GNE: variants seen among roughly 807,000 people sequenced by gnomAD.
GNE encodes the protein glucosamine (UDP-N-acetyl)-2-epimerase/N-acetylmannosamine kinase, also known as bifunctional UDP-N-acetylglucosamine 2-epimerase/N-acetylmannosamine kinase.
A neutral mutation model predicts 61.8 loss-of-function variants in GNE; 41 were observed. That is an observed-to-expected ratio of 0.66 (90% CI 0.52 to 0.86). The LOEUF is 0.86. GNE is among the 40% of genes least tolerant of loss of function. The pLI is 0.00. For synonymous variants in GNE, 264 were observed against 326.4 expected, an observed-to-expected ratio of 0.81 and a Z score of 2.06; for missense variants, 608 against 909.1, an observed-to-expected ratio of 0.67 and a Z score of 4.26.
Position 36,229,069 on chromosome 9 carries a change from T to G in GNE, c.1022A>C (p.Asp341Ala). Reference protein sequence around the residue: ...VLHVRDADTQDKILQALHLQF... With the variant: ...VLHVRDADTQAKILQALHLQF... ...AAGGTGCAGTGCTTGCAATATTTTG[T>G]CTTGGGTGTCAGCATCCCGGACATG... Residue 341 changes from aspartate (D) to alanine (A), a missense_variant, in exon 6 of 12, where the codon GAC becomes GCC. By Grantham distance (126) the Asp-to-Ala change is moderately radical. Coordinates refer to ENST00000642385, the MANE Select transcript of GNE (RefSeq NM_005476.7). 6.2e-7 allele frequency: 1 copy of G among 1,611,624 alleles called. No homozygotes were observed. The highest frequency in any genetic ancestry group is 8.5e-7 in the Non-Finnish European group (1 of 1,177,760).
intron 4 of GNE, among the ~76,000 whole-genome samples, chr9:36,234,375 A>G (rs929607562): frequency 9.9e-5 from 15 of 152,194 alleles, no homozygotes; most frequent in Admixed American, 3.9e-4. Flanking sequence ...TAGGCAAAGC[A>G]AATAACTTTT....
intron 3 of GNE, among the ~76,000 whole-genome samples, chr9:36,237,443 A>T (rs180968635): frequency 7.7e-4 from 117 of 152,306 alleles, no homozygotes; most frequent in African/African-American, 2.7e-3. Context: ...CACCTACCAG[A>T]TTCAACAAGT....
In GNE at chr9:36,227,569, T is replaced by G. The variant is rs984036166; in HGVS notation, c.1071-111A>C. On this transcript the variant is annotated intron_variant, in intron 6 of 11. Coordinates refer to ENST00000642385, the MANE Select transcript of GNE (RefSeq NM_005476.7). The stretch of plus-strand genomic sequence containing the variant: ...GACTTCAGGTAAAAATAATTCATGC[T>G]TCTTCCTAAAGTGACATCTTCCTGC... 6 of 761,590 alleles carry G rather than the reference T, an allele frequency of 7.9e-6. No individual in the cohort carries two copies. In the Admixed American group the frequency reaches 1.2e-4, roughly 15 times the overall value. The allele number at this position is 761,590 out of a possible 1,614,324, so 47.2% of individuals were successfully genotyped here.
At chr9:36,274,720 CTTT>C in intron 1 of GNE, among the ~76,000 whole-genome samples, 1 of 143,988 alleles carries the variant, frequency 6.9e-6, no homozygotes, top group Non-Finnish European at 1.5e-5. Context: ...GTTTCACATT[CTTT>C]TTTTTTTTTT....
At chr9:36,273,873 G>A (rs995549750) in intron 1 of GNE, among the ~76,000 whole-genome samples, 1 of 151,340 alleles carries the variant, frequency 6.6e-6, no homozygotes, top group Non-Finnish European at 1.5e-5. Context: ...TCCTGACGTC[G>A]ATCCACCCGC....
intron 1 of GNE, among the ~76,000 whole-genome samples, chr9:36,269,660 C>CT (rs761810143): frequency 1.1e-5 from 1 of 92,130 alleles, no homozygotes; most frequent in Non-Finnish European, 2.3e-5. Flanking sequence ...TTTCTTTCTT[C>CT]TTTCTTTTTT....
chr9:36,275,782 C>A (rs527720133), intron 1 of GNE, among the ~76,000 whole-genome samples: 2 of 152,258 alleles, frequency 1.3e-5, no homozygotes, highest in South Asian at 2.1e-4. Flanking sequence ...ATAATAAATT[C>A]TCATTGAAGA....
At chr9:36,261,340 C>T (rs555750955), upstream of GNE, among the ~76,000 whole-genome samples, 65 of 152,074 alleles carry the variant, frequency 4.3e-4, no homozygotes, top group Admixed American at 1.9e-3. Context: ...GGGCGGATCA[C>T]GACGTCAGGA....
Position 36,226,470 on chromosome 9 carries a change from C to A in GNE, c.1281+778G>T, listed in dbSNP as rs540709045. 3.3e-5 allele frequency among the ~76,000 whole-genome samples: 5 copies of A among 152,272 alleles called. No individual in the cohort carries two copies. The East Asian group carries it at 9.6e-4, about 29-fold the overall frequency. ...AAGTGCTGGGATTACAGGCGTAAGC[C>A]ACTGCATCCAGCCTTCTATTAGTTT... is the stretch of plus-strand genomic sequence containing the variant. On this transcript the variant is annotated intron_variant, in intron 7 of 11. Coordinates refer to ENST00000642385, the MANE Select transcript of GNE (RefSeq NM_005476.7).
intron 1 of GNE, among the ~76,000 whole-genome samples, chr9:36,276,170 C>T (rs563411150): frequency 7.0e-6 from 1 of 143,208 alleles, no homozygotes; most frequent in Non-Finnish European, 1.6e-5. Flanking sequence ...AAGATCCTGT[C>T]TTTAAACACA....
At chr9:36,257,195 T>C (rs1249688826) in intron 1 of GNE, among the ~76,000 whole-genome samples, 1 of 152,170 alleles carries the variant, frequency 6.6e-6, no homozygotes, top group Non-Finnish European at 1.5e-5. Flanking sequence ...CAGAACACTG[T>C]CCCACACCCA....
rs1587269553 is a variant in GNE, at chr9:36,216,942, G to A, written c.*423C>T. 37 of 255,902 alleles carry A rather than the reference G, an allele frequency of 1.4e-4. No homozygotes were observed. The South Asian group carries it at 1.6e-3, about 11-fold the overall frequency. The allele number at this position is 255,902 out of a possible 1,614,324, so 15.9% of individuals were successfully genotyped here. Reference sequence around the variant, plus strand: ...CCGCCTCGGCCTCCCAAAGTGCTGGGATTACAGGCGTGAGCCACTGTGCCC... The same window carrying A: ...CCGCCTCGGCCTCCCAAAGTGCTGGAATTACAGGCGTGAGCCACTGTGCCC... On this transcript the variant is annotated 3_prime_UTR_variant, in exon 12 of 12. Coordinates refer to ENST00000642385, the MANE Select transcript of GNE (RefSeq NM_005476.7).
At chr9:36,258,796 CTTGT>C (rs1435996301), upstream of GNE, among the ~76,000 whole-genome samples, 2 of 152,214 alleles carry the variant, frequency 1.3e-5, no homozygotes, top group Non-Finnish European at 2.9e-5. Context: ...TCTTGCGCCT[CTTGT>C]TCCCTCAGTT....
Position 36,218,305 on chromosome 9 carries a change from CAG to C in GNE, c.1817-8_1817-7del. On this transcript the variant is annotated splice_region_variant and splice_polypyrimidine_tract_variant and intron_variant, in intron 10 of 11. Coordinates refer to ENST00000642385, the MANE Select transcript of GNE (RefSeq NM_005476.7). The surrounding 1 kb of genome is among the most constrained non-coding windows in gnomAD (Gnocchi z 4.1). The stretch of plus-strand genomic sequence containing the variant: ...TTCCACCAAGAGCAGGTCCTCTGAA[CAG>C]AGTGAGAAGGAAAAGCAGTCACTAA... The C allele has an allele frequency of 6.2e-7, 1 of 1,605,610 alleles. No homozygotes were observed. Among genetic ancestry groups the C allele is most frequent in the South Asian group, 1.1e-5 (1 of 90,916 alleles).
chr9:36,241,272 C>T lies in GNE; in HGVS notation c.617-4288G>A, dbSNP rs189409865. 7.2e-5 allele frequency among the ~76,000 whole-genome samples: 11 copies of T among 152,240 alleles called. No individual in the cohort carries two copies. The East Asian group carries it at 1.2e-3, about 16-fold the overall frequency. On this transcript the variant is annotated intron_variant, in intron 3 of 11. Transcript: ENST00000642385. ...CTGGGACTACAGGCCTATGCCACTA[C>T]GCCTAGCTAATCTTTGTATTTTTTA...
In GNE at chr9:36,229,111, A is replaced by T. The variant is rs767551580; in HGVS notation, c.983-3T>A. ...CCGGACATGAAGAACATTCTCCCCT[A>T]GGTAAAACCAGTGACACATTACAAG... On this transcript the variant is annotated splice_polypyrimidine_tract_variant and splice_region_variant and intron_variant, in intron 5 of 11. Coordinates refer to ENST00000642385, the MANE Select transcript of GNE (RefSeq NM_005476.7). 4 of 1,548,092 alleles carry T rather than the reference A, an allele frequency of 2.6e-6. No individual in the cohort carries two copies. Among genetic ancestry groups the T allele is most frequent in the Middle Eastern group, 3.4e-4 (2 of 5,904 alleles).
At chr9:36,258,209 T>TG (rs1830474182) in intron 1 of GNE, 112 bp downstream of exon 1, 4 of 492,926 alleles carry the variant, frequency 8.1e-6, no homozygotes, top group Non-Finnish European at 1.0e-5. Flanking sequence ...CGGGGCGCGG[T>TG]GGGGTGGAAA....
At chr9:36,264,115 T>TTTTA (rs200338141) in intron 1 of GNE, among the ~76,000 whole-genome samples, 2 of 151,968 alleles carry the variant, frequency 1.3e-5, no homozygotes, top group Admixed American at 6.6e-5. Flanking sequence ...TAAATCATCT[T>TTTTA]TTTATTTATT....
At chr9:36,238,680 A>C (rs1209250959) in intron 3 of GNE, among the ~76,000 whole-genome samples, 1 of 151,658 alleles carries the variant, frequency 6.6e-6, no homozygotes, top group African/African-American at 2.4e-5. Context: ...ATTTTCTCCC[A>C]CTCTGTGGTT....
Sources: allele counts gnomAD v4.1 joint callset (sites outside exome capture counted in the v4.1 genomes callset), GRCh38; gene constraint gnomAD v4.1.1; non-coding constraint Gnocchi (gnomAD v3.1); transcripts MANE v1.5; gene names NCBI Gene and HGNC (gene_info 2026-07-23, HGNC 2026-07-21).